The following INPP5A variants were observed in gnomAD, a reference collection of about 807,000 sequenced individuals.
The protein encoded by INPP5A is 43 kDa inositol polyphosphate 5-phophatase.
A neutral mutation model predicts 65.2 loss-of-function variants in INPP5A; 14 were observed. That is an observed-to-expected ratio of 0.21 (90% CI 0.14 to 0.34). The LOEUF is 0.34. Ranked by LOEUF, INPP5A falls within the 10% of genes least tolerant of loss-of-function variation. The pLI is 1.00. For synonymous variants in INPP5A, 207 were observed against 208.3 expected (o/e 0.99, Z 0.05); for missense variants, 431 against 545.6 (o/e 0.79, Z 2.09).
chr10:132,669,965 C>T (rs1282420373), intron 4 of INPP5A, among the ~76,000 whole-genome samples: 3 of 151,910 alleles, frequency 2.0e-5, no homozygotes, highest in Admixed American at 6.6e-5. Context: ...CTCTTATCTT[C>T]TCTTGGGTCC....
In INPP5A at chr10:132,655,863, C is replaced by G. The variant is rs548367528; in HGVS notation, c.306+5358C>G. Among the ~76,000 whole-genome samples the G allele has an allele frequency of 5.9e-5, 9 of 152,396 alleles. No individual in the cohort carries two copies. In the South Asian group the frequency reaches 1.7e-3, roughly 28 times the overall value. On this transcript the variant is annotated intron_variant, in intron 4 of 15. Transcript: ENST00000368594. ...TGGTTCGCTTGTCACCCGCCCCTCC[C>G]AGAGAGGCTGCGTGGGGCTGCAGGC...
chr10:132,714,580 CG>C (rs1305723082), intron 8 of INPP5A, among the ~76,000 whole-genome samples: 1 of 152,128 alleles, frequency 6.6e-6, no homozygotes, highest in East Asian at 1.9e-4. Context: ...GTATCAGCTG[CG>C]GGGCCGGCAG....
chr10:132,768,502 G>A (rs750416014), intron 12 of INPP5A, among the ~76,000 whole-genome samples: 6 of 152,244 alleles, frequency 3.9e-5, no homozygotes, highest in Admixed American at 6.5e-5. Context: ...TTCCCGCTGC[G>A]TCTGCCCTGG....
At position 132,704,009 on chromosome 10, in the gene INPP5A, A is replaced by AC. The variant is rs1448081076; in HGVS notation, c.475-4297dup. On this transcript the variant is annotated intron_variant, in intron 6 of 15. Transcript: ENST00000368594. This position sits in a 1 kb window ranked among gnomAD's most constrained non-coding sequence, Gnocchi z 4.5. ...CACCCACACACACACGCACGGCTTC[A>AC]CCCCCCCACACACGCGTGGCTTCAC... is the stretch of plus-strand genomic sequence containing the variant. Among the ~76,000 whole-genome samples the AC allele has an allele frequency of 2.2e-4, 19 of 87,662 alleles. No homozygotes were observed. The highest frequency in any genetic ancestry group is 0.011 in the Middle Eastern group (1 of 88). The allele number at this position is 87,662 out of a possible 152,430, so 57.5% of individuals were successfully genotyped here.
intron 1 of INPP5A, among the ~76,000 whole-genome samples, chr10:132,588,320 C>T (rs756504051): frequency 7.2e-5 from 11 of 152,216 alleles, no homozygotes; most frequent in South Asian, 2.1e-4. Context: ...AACTGAATTT[C>T]GAGACAGCTC....
chr10:132,595,704 C>T (rs1244847292), intron 1 of INPP5A, among the ~76,000 whole-genome samples: 2 of 152,188 alleles, frequency 1.3e-5, no homozygotes, highest in Admixed American at 6.5e-5. Context: ...TCTTTCCTTC[C>T]GTGGACGCCC....
At chr10:132,558,668 T>C (rs1272944043) in intron 1 of INPP5A, among the ~76,000 whole-genome samples, 1 of 152,122 alleles carries the variant, frequency 6.6e-6, no homozygotes, top group South Asian at 2.1e-4. Flanking sequence ...ACGCTCCAGG[T>C]AGGGAGGCGG....
At position 132,675,448 on chromosome 10, in the gene INPP5A, G is replaced by C. The variant is rs900966725; in HGVS notation, c.307-14944G>C. Among the ~76,000 whole-genome samples the C allele has an allele frequency of 1.3e-5, 2 of 152,214 alleles. No homozygotes were observed. Among genetic ancestry groups the C allele is most frequent in the African/African-American group, 4.8e-5 (2 of 41,450 alleles). Reference sequence around the variant, plus strand: ...AAAGGAATGAGACTCAAGGCAGTTGGGGGAAGCGGGCAAATGGCCATGGGC... The same window carrying C: ...AAAGGAATGAGACTCAAGGCAGTTGCGGGAAGCGGGCAAATGGCCATGGGC... On this transcript the variant is annotated intron_variant, in intron 4 of 15. Coordinates refer to ENST00000368594, the MANE Select transcript of INPP5A (RefSeq NM_005539.5). The surrounding 1 kb of genome is among the most constrained non-coding windows in gnomAD (Gnocchi z 4.2).
chr10:132,771,935 GAC>G lies in INPP5A; in HGVS notation c.978-5735_978-5734del, dbSNP rs1364895806. 5.7e-4 allele frequency among the ~76,000 whole-genome samples: 13 copies of G among 22,906 alleles called. 1 individual carries two copies. The highest frequency in any genetic ancestry group is 2.7e-3 in the African/African-American group (11 of 4,014). The allele number at this position is 22,906 out of a possible 152,430, so 15.0% of individuals were successfully genotyped here. ...ACAGCAGCCACCCGATGAAGAGTGG[GAC>G]GGACACTCAGCACTGACACAGAGGC... On this transcript the variant is annotated intron_variant, in intron 12 of 15. Coordinates refer to ENST00000368594, the MANE Select transcript of INPP5A (RefSeq NM_005539.5).
In INPP5A at chr10:132,706,351, C is replaced by T. The variant is rs547196482; in HGVS notation, c.475-1962C>T. 6.6e-6 allele frequency among the ~76,000 whole-genome samples: 1 copy of T among 152,276 alleles called. No homozygotes were observed. Among genetic ancestry groups the T allele is most frequent in the South Asian group, 2.1e-4 (1 of 4,828 alleles). On this transcript the variant is annotated intron_variant, in intron 6 of 15. Transcript: ENST00000368594. The surrounding 1 kb of genome is among the most constrained non-coding windows in gnomAD (Gnocchi z 4.7). ...GTGTTGGAAGTGATAAGGGGAAATT[C>T]TTAAAAATTTAATTCCCGAGCACAA... is the stretch of plus-strand genomic sequence containing the variant.
intron 1 of INPP5A, among the ~76,000 whole-genome samples, chr10:132,553,149 G>A (rs1351678465): frequency 8.2e-6 from 1 of 121,738 alleles, no homozygotes; most frequent in Non-Finnish European, 1.7e-5. Flanking sequence ...AGGGAGGATT[G>A]GTGAACGCCT....
In INPP5A at chr10:132,741,474, G is replaced by A. The variant is rs1353392234; in HGVS notation, c.733-8043G>A. On this transcript the variant is annotated intron_variant, in intron 9 of 15. Coordinates refer to ENST00000368594, the MANE Select transcript of INPP5A (RefSeq NM_005539.5). The surrounding 1 kb of genome is among the most constrained non-coding windows in gnomAD (Gnocchi z 4.4). ...TTCCTCATCCTTGGAACCCCAGCCTGCATTGCACCCAGAAGAGGATACCCC... is the reference window on the plus strand; with the variant it reads ...TTCCTCATCCTTGGAACCCCAGCCTACATTGCACCCAGAAGAGGATACCCC... Among the ~76,000 whole-genome samples the A allele has an allele frequency of 9.2e-5, 14 of 152,180 alleles. No homozygotes were observed. The highest frequency in any genetic ancestry group is 9.2e-4 in the Admixed American group (14 of 15,264).
intron 12 of INPP5A, among the ~76,000 whole-genome samples, chr10:132,773,148 A>G (rs1846986505): frequency 6.6e-6 from 1 of 152,218 alleles, no homozygotes; most frequent in African/African-American, 2.4e-5. Context: ...TCCCGTGTGC[A>G]CTCAGCCTTG....
intron 2 of INPP5A, among the ~76,000 whole-genome samples, chr10:132,609,780 G>A (rs937063447): frequency 1.3e-5 from 2 of 152,112 alleles, no homozygotes; most frequent in African/African-American, 4.8e-5. Context: ...AAATAGCTGG[G>A]ATTACAGGCA....
At chr10:132,562,198 G>A (rs1173842621) in intron 1 of INPP5A, among the ~76,000 whole-genome samples, 1 of 152,204 alleles carries the variant, frequency 6.6e-6, no homozygotes, top group East Asian at 1.9e-4. Context: ...CACCGCCCTC[G>A]CCCAGTTGGT....
At chr10:132,583,332 C>T (rs1004462631) in intron 1 of INPP5A, among the ~76,000 whole-genome samples, 1 of 152,152 alleles carries the variant, frequency 6.6e-6, no homozygotes, top group African/African-American at 2.4e-5. Flanking sequence ...CAGTTGTAAA[C>T]AGTTGGCATT....
intron 9 of INPP5A, among the ~76,000 whole-genome samples, chr10:132,731,041 CA>C (rs1204925652): frequency 6.6e-6 from 1 of 152,212 alleles, no homozygotes; most frequent in Non-Finnish European, 1.5e-5. Context: ...AGCTGCTCCC[CA>C]GTGCATCCCT....
intron 8 of INPP5A, 151 bp downstream of exon 8, chr10:132,710,607 G>A: frequency 9.0e-7 from 1 of 1,114,370 alleles, no homozygotes; most frequent in Non-Finnish European, 1.3e-6. Context: ...AGGTCAGTGT[G>A]GATGGAGAGG....
chr10:132,776,331 C>T (rs1328565508), intron 12 of INPP5A, among the ~76,000 whole-genome samples: 1 of 152,076 alleles, frequency 6.6e-6, no homozygotes, highest in Non-Finnish European at 1.5e-5. Flanking sequence ...GATGGGAGCT[C>T]CTGCGTCAGG....
Sources: allele counts gnomAD v4.1 joint callset (sites outside exome capture counted in the v4.1 genomes callset), GRCh38; gene constraint gnomAD v4.1.1; non-coding constraint Gnocchi (gnomAD v3.1); transcripts MANE v1.5; gene names NCBI Gene and HGNC (gene_info 2026-07-23, HGNC 2026-07-21).